The following FBXL7 variants were observed in gnomAD, a reference collection of about 807,000 sequenced individuals.
FBXL7 encodes the protein F-box/LRR-repeat protein 7.
A neutral mutation model predicts 38.3 loss-of-function variants in FBXL7; 12 were observed. The ratio of observed to expected loss-of-function variants is 0.31; its 90% CI spans 0.20 to 0.51. FBXL7 has a LOEUF of 0.51. Among genes scored for constraint, FBXL7 ranks in the 20% least tolerant of loss-of-function variants. FBXL7 has a pLI of 0.98. For synonymous variants in FBXL7, 297 were observed against 300.9 expected (o/e 0.99, Z 0.13); for missense variants, 567 against 676.4 (o/e 0.84, Z 1.79).
chr5:15,785,210 G>T (rs148825349), intron 2 of FBXL7, among the ~76,000 whole-genome samples: 26 of 152,164 alleles, frequency 1.7e-4, no homozygotes, highest in Non-Finnish European at 3.1e-4. Flanking sequence ...GCTCTGCATC[G>T]CTCTGACCAA....
At chr5:15,786,428 T>G (rs1422066933) in intron 2 of FBXL7, among the ~76,000 whole-genome samples, 2 of 152,208 alleles carry the variant, frequency 1.3e-5, no homozygotes, top group Non-Finnish European at 2.9e-5. Context: ...GTTCATTATA[T>G]TTTTTGATGT....
At chr5:15,635,249 G>A (rs1271039437) in intron 2 of FBXL7, among the ~76,000 whole-genome samples, 2 of 152,128 alleles carry the variant, frequency 1.3e-5, no homozygotes, top group African/African-American at 4.8e-5. Context: ...GCCTGGGAGG[G>A]CTGGATAGCT....
intron 2 of FBXL7, among the ~76,000 whole-genome samples, chr5:15,767,182 C>G (rs1736613987): frequency 6.6e-6 from 1 of 152,128 alleles, no homozygotes; most frequent in Admixed American, 6.5e-5. Flanking sequence ...CCGACAGCCC[C>G]CAGTGTGCGT....
At chr5:15,625,893 G>C (rs1242165954) in intron 2 of FBXL7, among the ~76,000 whole-genome samples, 1 of 152,062 alleles carries the variant, frequency 6.6e-6, no homozygotes, top group Non-Finnish European at 1.5e-5. Context: ...GGAATAAAAA[G>C]CAAAGAATGA....
At chr5:15,508,159 T>C (rs1736697904) in intron 1 of FBXL7, among the ~76,000 whole-genome samples, 1 of 152,176 alleles carries the variant, frequency 6.6e-6, no homozygotes, top group Non-Finnish European at 1.5e-5. Flanking sequence ...AGTCTTCGCT[T>C]GGGTAAAACA....
intron 2 of FBXL7, among the ~76,000 whole-genome samples, chr5:15,822,933 A>G (rs1403772201): frequency 6.6e-6 from 1 of 152,116 alleles, no homozygotes; most frequent in Non-Finnish European, 1.5e-5. Context: ...GAGAATCTGC[A>G]TTTCTAGCAA....
At chr5:15,859,160 G>A (rs1739365171) in intron 2 of FBXL7, among the ~76,000 whole-genome samples, 3 of 152,174 alleles carry the variant, frequency 2.0e-5, no homozygotes, top group Non-Finnish European at 4.4e-5. Flanking sequence ...GAGCTTTTGA[G>A]GAGCCCCTAC....
At chr5:15,720,313 A>T (rs1477288990) in intron 2 of FBXL7, among the ~76,000 whole-genome samples, 1 of 148,512 alleles carries the variant, frequency 6.7e-6, no homozygotes, top group Non-Finnish European at 1.5e-5. Flanking sequence ...GTGGAAGAGG[A>T]TAGTGGAAAG....
chr5:15,535,339 G>T (rs1170887147), intron 1 of FBXL7, among the ~76,000 whole-genome samples: 1 of 152,230 alleles, frequency 6.6e-6, no homozygotes, highest in Non-Finnish European at 1.5e-5. Context: ...GAACAGTTTG[G>T]AGGGCTCAGA....
chr5:15,584,040 C>T (rs1217667092), intron 1 of FBXL7, among the ~76,000 whole-genome samples: 1 of 152,204 alleles, frequency 6.6e-6, no homozygotes, highest in Non-Finnish European at 1.5e-5. Context: ...GGGGCTTGCA[C>T]TCTCTGAAGC....
At chr5:15,734,299 C>T (rs73070555) in intron 2 of FBXL7, among the ~76,000 whole-genome samples, 1,996 of 152,312 alleles carry the variant, frequency 0.013, 46 homozygotes, top group African/African-American at 0.045. Context: ...TGCTGTACGC[C>T]GTCTCTTCTC....
intron 2 of FBXL7, among the ~76,000 whole-genome samples, chr5:15,721,131 T>C (rs1319590650): frequency 6.6e-6 from 1 of 152,222 alleles, no homozygotes; most frequent in Non-Finnish European, 1.5e-5. Flanking sequence ...ATATAAGGTA[T>C]AATGCTCATT....
At chr5:15,864,908 A>G (rs767449786) in intron 2 of FBXL7, among the ~76,000 whole-genome samples, 4 of 152,172 alleles carry the variant, frequency 2.6e-5, no homozygotes, top group Non-Finnish European at 5.9e-5. Flanking sequence ...GATGGAGTCT[A>G]TTGGCTGCTG....
At chr5:15,917,682 GAAGGAAGGAAGGAAGAAAGA>G (rs1314885112) in intron 2 of FBXL7, among the ~76,000 whole-genome samples, 176 of 148,640 alleles carry the variant, frequency 1.2e-3, no homozygotes, top group African/African-American at 4.3e-3. Flanking sequence ...AGGAAGGAAG[GAAGGAAGGAAGGAAGAAAGA>G]AAGGAAGGAA....
At chr5:15,830,614 T>C (rs1328568811) in intron 2 of FBXL7, among the ~76,000 whole-genome samples, 2 of 152,150 alleles carry the variant, frequency 1.3e-5, no homozygotes, top group Non-Finnish European at 2.9e-5. Flanking sequence ...GACCCTCAAG[T>C]TGTACAAACC....
intron 2 of FBXL7, among the ~76,000 whole-genome samples, chr5:15,850,609 CT>C (rs781692706): frequency 1.3e-5 from 2 of 152,232 alleles, no homozygotes; most frequent in Non-Finnish European, 2.9e-5. Flanking sequence ...ATAGAACTTA[CT>C]GCTAGGCATT....
chr5:15,748,494 T>C (rs1736070840), intron 2 of FBXL7, among the ~76,000 whole-genome samples: 1 of 152,320 alleles, frequency 6.6e-6, no homozygotes, highest in Admixed American at 6.5e-5. Flanking sequence ...CAAGATCTGA[T>C]GGTTTTGTAA....
At chr5:15,591,289 C>T (rs886749433) in intron 1 of FBXL7, among the ~76,000 whole-genome samples, 6 of 151,892 alleles carry the variant, frequency 4.0e-5, no homozygotes, top group Non-Finnish European at 8.8e-5. Flanking sequence ...GTTAGCTGGG[C>T]ATGGTGGCGG....
chr5:15,839,721 A>G (rs1399640690), intron 2 of FBXL7, among the ~76,000 whole-genome samples: 1 of 152,068 alleles, frequency 6.6e-6, no homozygotes, highest in Admixed American at 6.6e-5. Context: ...ATTTAATAAG[A>G]TCATTTCTCT....
Sources: gnomAD v4.1 joint callset for allele counts (sites outside exome capture counted in the v4.1 genomes callset) on GRCh38, gnomAD v4.1.1 for gene constraint, MANE v1.5 for transcripts, NCBI Gene and HGNC (gene_info 2026-07-23, HGNC 2026-07-21) for gene names.